HIRA: variants seen among roughly 807,000 people sequenced by gnomAD.
HIRA encodes the protein protein HIRA.
HIRA carries 13 observed loss-of-function variants against 126.6 expected under a neutral mutation model. The observed-to-expected ratio is 0.10, with a 90% CI of 0.07 to 0.16. The LOEUF (loss-of-function observed/expected upper bound fraction) is 0.16, where lower values mean the gene tolerates loss of function less well. Ranked by LOEUF, HIRA falls within the 10% of genes least tolerant of loss-of-function variation. The pLI is 1.00. For missense variants in HIRA, 834 were observed against 1,314.4 expected (o/e 0.63, Z 5.65); for synonymous variants, 511 against 520.0 (o/e 0.98, Z 0.24).
chr22:19,389,952 A>G (rs1339545303), intron 9 of HIRA, among the ~76,000 whole-genome samples: 1 of 152,044 alleles, frequency 6.6e-6, no homozygotes, highest in Non-Finnish European at 1.5e-5. Flanking sequence ...CAAACCCAGA[A>G]CTTCCAACTT....
chr22:19,407,072 T>G, intron 4 of HIRA, 112 bp downstream of exon 4: 1 of 828,952 alleles, frequency 1.2e-6, no homozygotes, highest in Non-Finnish European at 2.0e-6. Flanking sequence ...CCACTACTTA[T>G]GAGGTCAGGG....
At chr22:19,408,699 A>C in intron 2 of HIRA, 106 bp from the exon 3 acceptor site, 1 of 652,062 alleles carries the variant, frequency 1.5e-6, no homozygotes, top group East Asian at 2.8e-5. Context: ...GCTTCCATAA[A>C]CAATAATTAA....
Position 19,408,578 on chromosome 22 carries a change from T to G in HIRA, c.116A>C (p.Lys39Thr). 6.2e-7 allele frequency: 1 copy of G among 1,610,764 alleles called. No individual in the cohort carries two copies. Among genetic ancestry groups the G allele is most frequent in the Non-Finnish European group, 8.5e-7 (1 of 1,176,964 alleles). The change falls in exon 3 of 25, where the codon AAG becomes ACG. Residue 39 changes from lysine to threonine, a missense_variant. Coordinates refer to ENST00000263208, the MANE Select transcript of HIRA (RefSeq NM_003325.4). Reference sequence around the variant, plus strand: ...TGGAGACATATTCCAGATCACAACCTTCCCAGAATCCTGCCCTGGAACAAA... The same window carrying G: ...TGGAGACATATTCCAGATCACAACCGTCCCAGAATCCTGCCCTGGAACAAA... Reference protein sequence around the residue: ...ATGGQGQDSGKVVIWNMSPVL... With the variant: ...ATGGQGQDSGTVVIWNMSPVL...
rs953465043 is a variant in HIRA, at chr22:19,370,620, AG to A, written c.1775+5010del. ...TCAATACAAGAAAACAGCCACATCA[AG>A]AAAGTATCTGCATTTTCTGTAAGGC... On this transcript the variant is annotated intron_variant, in intron 15 of 24. Transcript: ENST00000263208. Among the ~76,000 whole-genome samples, 20 of 152,234 alleles carry A rather than the reference AG, an allele frequency of 1.3e-4. 1 individual carries two copies. The highest frequency in any genetic ancestry group is 9.8e-4 in the Admixed American group (15 of 15,280).
intron 24 of HIRA, among the ~76,000 whole-genome samples, chr22:19,340,721 C>T (rs1465800233): frequency 2.0e-5 from 3 of 152,126 alleles, no homozygotes; most frequent in Non-Finnish European, 4.4e-5. Flanking sequence ...TGTATACCAA[C>T]AATGACCAAG....
At chr22:19,397,223 G>T (rs569247807) in intron 6 of HIRA, among the ~76,000 whole-genome samples, 1 of 152,278 alleles carries the variant, frequency 6.6e-6, no homozygotes, top group South Asian at 2.1e-4. Context: ...GCCCTTCCTG[G>T]GCTGTGACAC....
Position 19,408,791 on chromosome 22 carries a change from G to A in HIRA, c.101-198C>T, listed in dbSNP as rs141549409. 2.5e-4 allele frequency among the ~76,000 whole-genome samples: 38 copies of A among 152,254 alleles called. No homozygotes were observed. In the East Asian group the frequency reaches 5.6e-3, roughly 22 times the overall value. On this transcript the variant is annotated intron_variant, in intron 2 of 24. Coordinates refer to ENST00000263208, the MANE Select transcript of HIRA (RefSeq NM_003325.4). Reference sequence around the variant, plus strand: ...AGTACTCATGGGGACGAAACGGAGCGGACTTAGCAGTCAGCAGAAGTCAAC... The same window carrying A: ...AGTACTCATGGGGACGAAACGGAGCAGACTTAGCAGTCAGCAGAAGTCAAC...
At chr22:19,410,256 A>G (rs1026748575) in intron 2 of HIRA, among the ~76,000 whole-genome samples, 2 of 152,242 alleles carry the variant, frequency 1.3e-5, no homozygotes, top group African/African-American at 2.4e-5. Flanking sequence ...ACTTGCCCAC[A>G]GTGTGCTTTC....
At chr22:19,427,367 C>A (rs1007360288) in intron 1 of HIRA, among the ~76,000 whole-genome samples, 3 of 152,236 alleles carry the variant, frequency 2.0e-5, no homozygotes, top group African/African-American at 7.2e-5. Context: ...CATAGGTCTG[C>A]AGTGCCCTCC....
intron 6 of HIRA, 71 bp downstream of exon 6, chr22:19,397,921 A>G (rs1022693507): frequency 1.1e-5 from 12 of 1,108,418 alleles, no homozygotes; most frequent in Non-Finnish European, 1.5e-5. Flanking sequence ...CTAAGGAGAC[A>G]GCCCAACCCC....
At chr22:19,373,354 G>C (rs929831191) in intron 15 of HIRA, among the ~76,000 whole-genome samples, 1 of 152,124 alleles carries the variant, frequency 6.6e-6, no homozygotes, top group Non-Finnish European at 1.5e-5. Context: ...ACAATTCTAT[G>C]ATCACAGGTT....
At chr22:19,395,911 A>G (rs1284640617) in intron 7 of HIRA, among the ~76,000 whole-genome samples, 4 of 152,202 alleles carry the variant, frequency 2.6e-5, no homozygotes, top group African/African-American at 9.7e-5. Flanking sequence ...TCCATTTGAA[A>G]TCAGAACTCA....
rs376487965 is a variant in HIRA, at chr22:19,377,942, C to A, written c.1540G>T (p.Ala514Ser). ...ACAGGCTCTGTGCAAGGCTTCGAGG[C>A]GCCGAAGGAGTTAGGGGTACTGGAG... ...LDSSTPNSFG[A>S]SKPCTEPVVA... is the part of the protein sequence containing the mutation. The change falls in exon 14 of 25, where the codon GCC becomes TCC. Residue 514 changes from alanine to serine, a missense_variant. Physicochemically the swap from Ala to Ser is moderately conservative, Grantham distance 99. Around this residue, in one of 5 missense-constraint regions of HIRA, gnomAD observed 468 missense variants for 574.2 expected, o/e 0.82. Coordinates refer to ENST00000263208, the MANE Select transcript of HIRA (RefSeq NM_003325.4). 14 of 1,613,790 alleles carry A rather than the reference C, an allele frequency of 8.7e-6. No individual in the cohort carries two copies. The highest frequency in any genetic ancestry group is 2.7e-5 in the African/African-American group (2 of 74,896).
intron 15 of HIRA, among the ~76,000 whole-genome samples, chr22:19,371,621 T>C (rs1279663082): frequency 8.6e-6 from 1 of 116,304 alleles, no homozygotes; most frequent in African/African-American, 5.7e-5. Flanking sequence ...CCATTGGTAC[T>C]CACTCCTTAT....
chr22:19,378,862 T>C (rs1169880806), intron 13 of HIRA, among the ~76,000 whole-genome samples: 7 of 152,210 alleles, frequency 4.6e-5, no homozygotes. Flanking sequence ...GGAATAAATA[T>C]TTCTAAAGTG....
intron 1 of HIRA, among the ~76,000 whole-genome samples, chr22:19,428,319 A>T (rs1167428125): frequency 6.6e-6 from 1 of 152,222 alleles, no homozygotes; most frequent in African/African-American, 2.4e-5. Context: ...TGATACAACT[A>T]GAAGTTGTAT....
rs528941639 is a variant in HIRA at position 19,346,043 on chromosome 22, T to C, written c.2937+5315A>G. 2.0e-5 allele frequency among the ~76,000 whole-genome samples: 3 copies of C among 152,224 alleles called. No homozygotes were observed. The East Asian group carries it at 5.8e-4, about 29-fold the overall frequency. ...GGCAACAAGTATTTCAATAGATAGT[T>C]CAAAAAAGGGAAACACAAGCGGCTC... is the stretch of plus-strand genomic sequence containing the variant. On this transcript the variant is annotated intron_variant, in intron 24 of 24. Coordinates refer to ENST00000263208, the MANE Select transcript of HIRA (RefSeq NM_003325.4).
intron 15 of HIRA, among the ~76,000 whole-genome samples, chr22:19,373,112 G>T (rs2088983087): frequency 6.6e-6 from 1 of 152,122 alleles, no homozygotes; most frequent in Non-Finnish European, 1.5e-5. Context: ...AGGTCACATA[G>T]ATTTCTATCT....
rs2089540077 is a variant in HIRA at position 19,431,567 on chromosome 22, GCCAC to G, written c.-95_-92del. On this transcript the variant is annotated 5_prime_UTR_variant, in exon 1 of 25. Transcript: ENST00000263208. Reference sequence around the variant, plus strand: ...AGCCACCGCCGCCGCTTCCTCCCGCGCCACCCGCCCTCCGGCCGCCGCCCGCCCC... The same window carrying G: ...AGCCACCGCCGCCGCTTCCTCCCGCGCCGCCCTCCGGCCGCCGCCCGCCCC... 9 of 998,042 alleles carry G rather than the reference GCCAC, an allele frequency of 9.0e-6. No homozygotes were observed. The highest frequency in any genetic ancestry group is 4.5e-5 in the South Asian group (1 of 22,200). 61.8% of individuals were successfully genotyped at this position (998,042 alleles called of 1,614,324 possible).
Sources: allele counts gnomAD v4.1 joint callset (sites outside exome capture counted in the v4.1 genomes callset), GRCh38; gene constraint gnomAD v4.1.1; regional missense constraint gnomAD v4.1.1; transcripts MANE v1.5; gene names NCBI Gene and HGNC (gene_info 2026-07-23, HGNC 2026-07-21).